The following PTPRN2 variants were observed in gnomAD, a reference collection of about 807,000 sequenced individuals.
The protein encoded by PTPRN2 is protein tyrosine phosphatase receptor type N2, also known as receptor-type tyrosine-protein phosphatase N2.
In PTPRN2, 74 loss-of-function variants were observed where a neutral mutation model predicts 118.8. The ratio of observed to expected loss-of-function variants is 0.62; its 90% CI spans 0.52 to 0.76. The LOEUF is 0.76. PTPRN2 is among the 30% of genes least tolerant of loss of function. The pLI is 0.00. For synonymous variants in PTPRN2, 641 were observed against 608.0 expected, an observed-to-expected ratio of 1.05 and a Z score of -0.80; for missense variants, 1,481 against 1,394.4, an observed-to-expected ratio of 1.06 and a Z score of -0.99.
intron 13 of PTPRN2, among the ~76,000 whole-genome samples, chr7:157,661,102 G>A (rs561317577): frequency 6.6e-5 from 10 of 152,372 alleles, no homozygotes; most frequent in Admixed American, 4.6e-4. Context: ...CTCCTCCGGC[G>A]GGTGGCTCAG....
intron 11 of PTPRN2, among the ~76,000 whole-genome samples, chr7:157,992,218 C>A (rs1004992628): frequency 6.6e-6 from 1 of 152,238 alleles, no homozygotes; most frequent in Non-Finnish European, 1.5e-5. Context: ...GAGAAGGCCA[C>A]CCTAAAGGTG....
chr7:157,624,112 GAA>G (rs1803425903), intron 14 of PTPRN2, among the ~76,000 whole-genome samples: 1 of 152,078 alleles, frequency 6.6e-6, no homozygotes, highest in Admixed American at 6.5e-5. Flanking sequence ...TATGGCCCAA[GAA>G]CTTCTTAAGT....
intron 12 of PTPRN2, among the ~76,000 whole-genome samples, chr7:157,715,230 C>T (rs1343497295): frequency 6.6e-6 from 1 of 152,164 alleles, no homozygotes. Context: ...GGAGTCCAGG[C>T]CGTGCGCCCA....
rs1269827670 is a variant in PTPRN2 at position 158,587,699 on chromosome 7, C to T, written c.-30G>A. ...GCGGCCTGGCCGGCGGCGCTCAGTC[C>T]ATGGCCGCGCGGGAGGCGGCGGGAG... On this transcript the variant is annotated 5_prime_UTR_variant, in exon 1 of 23. An upstream start codon of the reference 5' UTR is lost. Transcript: ENST00000389418. 3 of 1,182,920 alleles carry T rather than the reference C, an allele frequency of 2.5e-6. No individual in the cohort carries two copies. Among genetic ancestry groups the T allele is most frequent in the East Asian group, 7.4e-5 (2 of 27,140 alleles). The allele number at this position is 1,182,920 out of a possible 1,614,324, so 73.3% of individuals were successfully genotyped here. A position where few individuals can be genotyped will look rare whatever the true frequency, so the allele number is the denominator to read the frequency against.
At chr7:158,435,763 C>G (rs576116756) in intron 2 of PTPRN2, among the ~76,000 whole-genome samples, 3 of 152,302 alleles carry the variant, frequency 2.0e-5, no homozygotes, top group African/African-American at 7.2e-5. Flanking sequence ...GAAAATCCTG[C>G]TGTAAGTGAC....
At chr7:157,945,413 C>T (rs1800414371) in intron 11 of PTPRN2, among the ~76,000 whole-genome samples, 1 of 152,174 alleles carries the variant, frequency 6.6e-6, no homozygotes, top group African/African-American at 2.4e-5. Context: ...TACTGCTCCT[C>T]CATCCTGGCG....
intron 2 of PTPRN2, among the ~76,000 whole-genome samples, chr7:158,430,653 C>A (rs936084524): frequency 2.0e-5 from 3 of 152,212 alleles, no homozygotes; most frequent in African/African-American, 7.2e-5. Flanking sequence ...CCAGTGAAGC[C>A]ATAAAGCCCA....
chr7:158,252,495 C>T (rs192674007), intron 3 of PTPRN2, among the ~76,000 whole-genome samples: 4 of 152,090 alleles, frequency 2.6e-5, no homozygotes, highest in Non-Finnish European at 4.4e-5. Flanking sequence ...CCTGATAGCC[C>T]GGAGCCCTAT....
intron 12 of PTPRN2, chr7:157,865,499 C>T (rs7804637): frequency 0.24 from 35,795 of 151,998 alleles, 4,451 homozygotes; most frequent in African/African-American, 0.32. Context: ...GGACCCTCAC[C>T]GTGGGGCCAC....
intron 4 of PTPRN2, among the ~76,000 whole-genome samples, chr7:158,204,203 G>C (rs1826931205): frequency 1.3e-5 from 2 of 149,584 alleles, no homozygotes; most frequent in South Asian, 2.2e-4. Context: ...TGCGCCGTGT[G>C]GTGAAGACGA....
chr7:157,669,309 C>A (rs2150775536), intron 13 of PTPRN2, among the ~76,000 whole-genome samples: 2 of 152,378 alleles, frequency 1.3e-5, no homozygotes. Context: ...GGCTCATGGC[C>A]CACGTGGCCA....
chr7:158,457,898 A>T (rs1041247589), intron 2 of PTPRN2, among the ~76,000 whole-genome samples: 8 of 152,166 alleles, frequency 5.3e-5, no homozygotes, highest in Admixed American at 5.2e-4. Flanking sequence ...CATTATTTAC[A>T]CCCTGAGTGT....
intron 11 of PTPRN2, among the ~76,000 whole-genome samples, chr7:158,016,710 C>A (rs1178429977): frequency 6.6e-6 from 1 of 152,224 alleles, no homozygotes; most frequent in Non-Finnish European, 1.5e-5. Flanking sequence ...TGAAGCTGAG[C>A]CAATTAACGT....
Position 157,587,994 on chromosome 7 carries a change from C to T in PTPRN2, c.2496+7244G>A, listed in dbSNP as rs932247737. The stretch of plus-strand genomic sequence containing the variant: ...CCTGGGCTCCCGCGGTGGCTGTCCC[C>T]GTGCCTGGGCTCCCGCGGTGGCTGT... On this transcript the variant is annotated intron_variant, in intron 17 of 22. Coordinates refer to ENST00000389418, the MANE Select transcript of PTPRN2 (RefSeq NM_002847.5). The surrounding 1 kb of genome is among the most constrained non-coding windows in gnomAD (Gnocchi z 5.3). Among the ~76,000 whole-genome samples the T allele has an allele frequency of 5.3e-5, 8 of 149,948 alleles. No homozygotes were observed. The highest frequency in any genetic ancestry group is 8.9e-5 in the Non-Finnish European group (6 of 67,302).
intron 12 of PTPRN2, among the ~76,000 whole-genome samples, chr7:157,701,814 A>G (rs1168145362): frequency 6.6e-6 from 1 of 151,244 alleles, no homozygotes; most frequent in Admixed American, 6.6e-5. Flanking sequence ...TGCTGGTGTA[A>G]CTGACGCGGG....
chr7:158,187,954 C>G (rs963704012), intron 5 of PTPRN2, among the ~76,000 whole-genome samples: 1 of 152,194 alleles, frequency 6.6e-6, no homozygotes, highest in Non-Finnish European at 1.5e-5. Context: ...GACCGGTGCC[C>G]ACGCCCCTCT....
At chr7:158,372,429 C>A (rs1810122959) in intron 2 of PTPRN2, among the ~76,000 whole-genome samples, 1 of 150,134 alleles carries the variant, frequency 6.7e-6, no homozygotes, top group African/African-American at 2.5e-5. Context: ...AACACTGGTC[C>A]CCGAAGCTGG....
chr7:157,622,509 G>A lies in PTPRN2; in HGVS notation c.2197-1000C>T, dbSNP rs939388258. Among the ~76,000 whole-genome samples, 1 of 152,122 alleles carries A rather than the reference G, an allele frequency of 6.6e-6. No homozygotes were observed. The highest frequency in any genetic ancestry group is 1.5e-5 in the Non-Finnish European group (1 of 68,026). ...TGGGGCCCGTTCCAGGAGACAGGTA[G>A]AGAAAGAGACACAGAGGGAGGGAGG... On this transcript the variant is annotated intron_variant, in intron 14 of 22. Coordinates refer to ENST00000389418, the MANE Select transcript of PTPRN2 (RefSeq NM_002847.5). The surrounding 1 kb of genome is among the most constrained non-coding windows in gnomAD (Gnocchi z 5.3).
At chr7:157,720,468 G>C (rs994743149) in intron 12 of PTPRN2, among the ~76,000 whole-genome samples, 1 of 152,204 alleles carries the variant, frequency 6.6e-6, no homozygotes, top group Non-Finnish European at 1.5e-5. Flanking sequence ...TTGCACACCC[G>C]GGTCAAGGGC....
Sources: gnomAD v4.1 joint callset for allele counts (sites outside exome capture counted in the v4.1 genomes callset) on GRCh38, gnomAD v4.1.1 for gene constraint, Gnocchi (gnomAD v3.1) non-coding constraint, MANE v1.5 for transcripts, NCBI Gene and HGNC (gene_info 2026-07-23, HGNC 2026-07-21) for gene names.